The following LDLRAD3 variants were observed in gnomAD, a reference collection of about 807,000 sequenced individuals.
LDLRAD3 encodes the protein low density lipoprotein receptor class A domain containing 3.
LDLRAD3 carries 20 observed loss-of-function variants against 29.4 expected under a neutral mutation model. That is an observed-to-expected ratio of 0.68 (90% CI 0.48 to 0.99). The LOEUF (loss-of-function observed/expected upper bound fraction) is 0.99, where lower values mean the gene tolerates loss of function less well. Ranked by LOEUF, LDLRAD3 falls within the 50% of genes least tolerant of loss-of-function variation. LDLRAD3 has a pLI of 0.00. For missense variants in LDLRAD3, 420 were observed against 454.3 expected (o/e 0.92, Z 0.69); for synonymous variants, 157 against 192.7 (o/e 0.81, Z 1.53).
intron 1 of LDLRAD3, among the ~76,000 whole-genome samples, chr11:35,974,170 C>G (rs1396452803): frequency 6.6e-6 from 1 of 152,172 alleles, no homozygotes; most frequent in Non-Finnish European, 1.5e-5. Flanking sequence ...TGGACTTTCA[C>G]TTAGGAAGGC....
rs1434915723 is a variant in LDLRAD3, at chr11:36,046,244, CCAGCTCTGTTG to C, written c.193+9998_193+10008del. On this transcript the variant is annotated intron_variant, in intron 2 of 5. Coordinates refer to ENST00000315571, the MANE Select transcript of LDLRAD3 (RefSeq NM_174902.4). ...TTTTATGAATGGGAGTTCCCCTGTA[CCAGCTCTGTTG>C]CATGCCGCCATGCAAGACGTGGCTT... is the stretch of plus-strand genomic sequence containing the variant. Among the ~76,000 whole-genome samples, 13 of 152,150 alleles carry C rather than the reference CCAGCTCTGTTG, an allele frequency of 8.5e-5. 2 individuals are homozygous for C. The South Asian group carries it at 2.7e-3, about 32-fold the overall frequency.
intron 1 of LDLRAD3, among the ~76,000 whole-genome samples, chr11:36,021,072 G>A (rs1177486711): frequency 6.6e-6 from 1 of 152,156 alleles, no homozygotes; most frequent in Non-Finnish European, 1.5e-5. Context: ...TGCAGGAGGA[G>A]CAGCTTTAGA....
chr11:35,964,259 A>AT (rs1164752106), intron 1 of LDLRAD3, among the ~76,000 whole-genome samples: 2 of 152,192 alleles, frequency 1.3e-5, no homozygotes, highest in East Asian at 3.9e-4. Flanking sequence ...TACCCACTGG[A>AT]TTTTTTTGAA....
intron 4 of LDLRAD3, among the ~76,000 whole-genome samples, chr11:36,219,211 G>T (rs1457232420): frequency 6.6e-6 from 1 of 152,218 alleles, no homozygotes; most frequent in East Asian, 1.9e-4. Flanking sequence ...CCAGCTCATG[G>T]TCTATACCAA....
chr11:35,997,072 G>A (rs1476183448), intron 1 of LDLRAD3, among the ~76,000 whole-genome samples: 1 of 152,130 alleles, frequency 6.6e-6, no homozygotes, highest in South Asian at 2.1e-4. Flanking sequence ...TACACATACA[G>A]CACTTGGCAT....
intron 4 of LDLRAD3, among the ~76,000 whole-genome samples, chr11:36,133,234 C>A (rs76159265): frequency 0.11 from 15,662 of 143,058 alleles, 1,039 homozygotes; most frequent in African/African-American, 0.2. Flanking sequence ...TGGGGCCTTG[C>A]TATGTTGTCC....
intron 1 of LDLRAD3, among the ~76,000 whole-genome samples, chr11:36,034,261 G>A (rs1236045818): frequency 6.6e-6 from 1 of 152,224 alleles, no homozygotes; most frequent in East Asian, 1.9e-4. Context: ...TGGCCACAGA[G>A]GGGAGAGTGG....
rs186113935 is a variant in LDLRAD3, at chr11:36,101,218, A to G, written c.454+2757A>G. ...GTTTCATGGGTATAACAGCCACCCC[A>G]CAAGGTGCCCACTTGTGGAAGGCAT... On this transcript the variant is annotated intron_variant, in intron 4 of 5. Transcript: ENST00000315571. Among the ~76,000 whole-genome samples, 200 of 152,298 alleles carry G rather than the reference A, an allele frequency of 1.3e-3. 1 individual carries two copies. Among genetic ancestry groups the G allele is most frequent in the Non-Finnish European group, 2.4e-3 (163 of 68,020 alleles).
Position 35,944,320 on chromosome 11 carries a change from C to T in LDLRAD3, c.46+176C>T, listed in dbSNP as rs566708191. ...CCCGGACCCTGCCGAGGGGCCGCCG[C>T]GGGGTGCGAGCCGTCCTATTGTGTG... is the stretch of plus-strand genomic sequence containing the variant. On this transcript the variant is annotated intron_variant, in intron 1 of 5. Transcript: ENST00000315571. The surrounding 1 kb of genome is among the most constrained non-coding windows in gnomAD (Gnocchi z 4.9). Among the ~76,000 whole-genome samples, 92 of 151,682 alleles carry T rather than the reference C, an allele frequency of 6.1e-4. No individual in the cohort carries two copies. The East Asian group carries it at 0.016, about 27-fold the overall frequency.
intron 1 of LDLRAD3, among the ~76,000 whole-genome samples, chr11:36,023,233 T>C (rs1852120651): frequency 6.6e-6 from 1 of 152,220 alleles, no homozygotes; most frequent in Non-Finnish European, 1.5e-5. Flanking sequence ...ATCATTTATT[T>C]GCTGAGACAT....
chr11:36,042,809 A>G (rs1345259185), intron 2 of LDLRAD3, among the ~76,000 whole-genome samples: 2 of 152,188 alleles, frequency 1.3e-5, no homozygotes, highest in Non-Finnish European at 2.9e-5. Context: ...ACAGCTGTCT[A>G]CACTCCAAGG....
At chr11:36,101,651 C>G (rs1195550551) in intron 4 of LDLRAD3, among the ~76,000 whole-genome samples, 4 of 152,078 alleles carry the variant, frequency 2.6e-5, no homozygotes, top group African/African-American at 9.7e-5. Flanking sequence ...GTACACATCT[C>G]CCTGCCCTGA....
intron 4 of LDLRAD3, among the ~76,000 whole-genome samples, chr11:36,225,887 A>G (rs555636857): frequency 6.6e-6 from 1 of 152,124 alleles, no homozygotes; most frequent in East Asian, 1.9e-4. Flanking sequence ...CCTGGCCAAC[A>G]TGGTTGAAAC....
At chr11:35,968,341 A>T in intron 1 of LDLRAD3, 2 of 362,794 alleles carry the variant, frequency 5.5e-6, no homozygotes, top group South Asian at 5.3e-5. Context: ...GCTGTTGGAG[A>T]AATAACGTCT....
At chr11:36,135,567 A>C (rs1853991670) in intron 4 of LDLRAD3, among the ~76,000 whole-genome samples, 1 of 152,204 alleles carries the variant, frequency 6.6e-6, no homozygotes, top group Non-Finnish European at 1.5e-5. Flanking sequence ...AAATGAAGTC[A>C]AACAGATTTC....
chr11:36,122,748 A>G (rs975289570), intron 4 of LDLRAD3, among the ~76,000 whole-genome samples: 1 of 152,074 alleles, frequency 6.6e-6, no homozygotes, highest in Non-Finnish European at 1.5e-5. Context: ...GCCTGGTGTG[A>G]TGGTTCATGC....
At chr11:36,108,484 G>A (rs574280621) in intron 4 of LDLRAD3, among the ~76,000 whole-genome samples, 9 of 152,242 alleles carry the variant, frequency 5.9e-5, no homozygotes, top group South Asian at 2.1e-4. Flanking sequence ...GCAGGTGTTC[G>A]GTTGGTCAGT....
intron 4 of LDLRAD3, among the ~76,000 whole-genome samples, chr11:36,196,056 C>G (rs1209699769): frequency 6.6e-6 from 1 of 151,564 alleles, no homozygotes; most frequent in Non-Finnish European, 1.5e-5. Context: ...ATACCCCATC[C>G]AAAAAGCTGG....
intron 1 of LDLRAD3, among the ~76,000 whole-genome samples, chr11:35,989,789 C>A (rs1467060762): frequency 6.6e-6 from 1 of 152,070 alleles, no homozygotes; most frequent in Non-Finnish European, 1.5e-5. Flanking sequence ...TTTATCAGTT[C>A]TGGGAGCCTT....
Sources: gnomAD v4.1 joint callset for allele counts (sites outside exome capture counted in the v4.1 genomes callset) on GRCh38, gnomAD v4.1.1 for gene constraint, Gnocchi (gnomAD v3.1) non-coding constraint, MANE v1.5 for transcripts, NCBI Gene and HGNC (gene_info 2026-07-23, HGNC 2026-07-21) for gene names.